CCDC88C: variants seen among roughly 807,000 people sequenced by gnomAD.
CCDC88C encodes the protein protein Daple.
A neutral mutation model predicts 198.8 loss-of-function variants in CCDC88C; 131 were observed. That is an observed-to-expected ratio of 0.66 (90% CI 0.57 to 0.76). The LOEUF (loss-of-function observed/expected upper bound fraction) is 0.76, where lower values mean the gene tolerates loss of function less well. Ranked by LOEUF, CCDC88C falls within the 30% of genes least tolerant of loss-of-function variation. The pLI is 0.00. For synonymous variants in CCDC88C, 1,166 were observed against 1,114.7 expected (o/e 1.05, Z -0.92); for missense variants, 2,553 against 2,631.6 (o/e 0.97, Z 0.65).
intron 10 of CCDC88C, among the ~76,000 whole-genome samples, chr14:91,328,140 A>C (rs1232821860): frequency 6.6e-6 from 1 of 152,232 alleles, no homozygotes; most frequent in Non-Finnish European, 1.5e-5. Flanking sequence ...GCGGCATGTG[A>C]GGTGGACCTT....
chr14:91,400,126 G>T (rs1481148037), intron 3 of CCDC88C, among the ~76,000 whole-genome samples: 1 of 151,938 alleles, frequency 6.6e-6, no homozygotes, highest in Non-Finnish European at 1.5e-5. Context: ...AGGTGTTATT[G>T]CAGCTGATTT....
At position 91,339,060 on chromosome 14, in the gene CCDC88C, C is replaced by T. The variant is rs1893186337; in HGVS notation, c.809+218G>A. The stretch of plus-strand genomic sequence containing the variant: ...TGCACCGTCTGGACGGGAGGAAACC[C>T]TGAAGACCGGGAAGAATCCCCGCCC... On this transcript the variant is annotated intron_variant, in intron 8 of 29. Coordinates refer to ENST00000389857, the MANE Select transcript of CCDC88C (RefSeq NM_001080414.4). The surrounding 1 kb of genome is among the most constrained non-coding windows in gnomAD (Gnocchi z 5.8). 1.5e-6 allele frequency: 1 copy of T among 647,206 alleles called. No individual in the cohort carries two copies. The highest frequency in any genetic ancestry group is 2.8e-6 in the Non-Finnish European group (1 of 357,230). 40.1% of individuals were successfully genotyped at this position (647,206 alleles called of 1,614,324 possible). A position where few individuals can be genotyped will look rare whatever the true frequency, so the allele number is the denominator to read the frequency against.
Position 91,303,925 on chromosome 14 carries a change from C to T in CCDC88C, c.3411G>A (p.Thr1137=). 4 of 1,611,594 alleles carry T rather than the reference C, an allele frequency of 2.5e-6. No individual in the cohort carries two copies. The highest frequency in any genetic ancestry group is 2.2e-5 in the East Asian group (1 of 44,882). ...SQSAALTAQY[T]LLQNHHTAKE... ...TGGCCGTGTGGTGGTTCTGCAGCAG[C>T]GTGTACTGCGCGGTGAGCGCTGCGC... The change falls in exon 20 of 30, where the codon ACG becomes ACA. Residue 1137 remains threonine, a synonymous_variant. Transcript: ENST00000389857.
intron 3 of CCDC88C, among the ~76,000 whole-genome samples, chr14:91,364,302 T>G (rs566864582): frequency 7.2e-5 from 11 of 152,302 alleles, no homozygotes; most frequent in African/African-American, 2.4e-4. Flanking sequence ...TCCTCCCCAC[T>G]TCTCCTTTAG....
chr14:91,273,050 G>C lies in CCDC88C; in HGVS notation c.5662C>G (p.Leu1888Val). 2 of 1,556,392 alleles carry C rather than the reference G, an allele frequency of 1.3e-6. No individual in the cohort carries two copies. Among genetic ancestry groups the C allele is most frequent in the African/African-American group, 2.7e-5 (2 of 73,826 alleles). Reference protein sequence around the residue: ...SRPLDTRRFSLAPPKEERLAP... With the variant: ...SRPLDTRRFSVAPPKEERLAP... ...AGCCTCTCCTCCTTTGGGGGAGCCA[G>C]GGAGAAGCGCCTCGTGTCCAGCGGC... Residue 1888 changes from leucine to valine, a missense_variant, in exon 30 of 30, where the codon CTG becomes GTG. By Grantham distance (32) the Leu-to-Val change is conservative (BLOSUM62 1). Coordinates refer to ENST00000389857, the MANE Select transcript of CCDC88C (RefSeq NM_001080414.4). This position sits in a 1 kb window ranked among gnomAD's most constrained non-coding sequence, Gnocchi z 5.6.
In CCDC88C at chr14:91,324,893, C is replaced by T. The variant is rs766629546; in HGVS notation, c.1228G>A (p.Glu410Lys). 1.2e-6 allele frequency: 2 copies of T among 1,613,494 alleles called. No individual in the cohort carries two copies. Among genetic ancestry groups the T allele is most frequent in the Admixed American group, 1.7e-5 (1 of 59,962 alleles). ...AGGACCATGTTTTCTTCCAGCAGCT[C>T]CTCAATTCGTTTCTTATCTGTGTCC... is the stretch of plus-strand genomic sequence containing the variant. Reference protein sequence around the residue: ...DRDTDKKRIEELLEENMVLEI... With the variant: ...DRDTDKKRIEKLLEENMVLEI... Residue 410 changes from glutamate to lysine, a missense_variant, in exon 12 of 30, where the codon GAG (glutamate) becomes AAG (lysine). By Grantham distance (56) the Glu-to-Lys change is moderately conservative. Transcript: ENST00000389857.
intron 16 of CCDC88C, among the ~76,000 whole-genome samples, chr14:91,309,273 C>T (rs1336953847): frequency 6.6e-6 from 1 of 152,046 alleles, no homozygotes; most frequent in Non-Finnish European, 1.5e-5. Context: ...GCAAGCATTG[C>T]AGGGAAAAAC....
At chr14:91,274,181 AGAG>A (rs1371506963) in intron 29 of CCDC88C, among the ~76,000 whole-genome samples, 3 of 149,706 alleles carry the variant, frequency 2.0e-5, no homozygotes, top group Non-Finnish European at 3.0e-5. Flanking sequence ...GGCCCGAGAA[AGAG>A]AAGAGAGAGG....
chr14:91,416,637 C>A, intron 2 of CCDC88C, 101 bp downstream of exon 2: 1 of 847,152 alleles, frequency 1.2e-6, no homozygotes. Flanking sequence ...GAACTACCCC[C>A]CACCCCACAC....
intron 15 of CCDC88C, among the ~76,000 whole-genome samples, chr14:91,312,258 G>A (rs537666283): frequency 6.6e-6 from 1 of 152,168 alleles, no homozygotes; most frequent in South Asian, 2.1e-4. Flanking sequence ...GCGTGATGGT[G>A]CGTGTCTGTA....
chr14:91,296,219 A>ACAGCC (rs1890995789), intron 22 of CCDC88C, among the ~76,000 whole-genome samples: 1 of 152,208 alleles, frequency 6.6e-6, no homozygotes, highest in African/African-American at 2.4e-5. Context: ...CATCCTGGCC[A>ACAGCC]CAGCCCTTCC....
intron 3 of CCDC88C, among the ~76,000 whole-genome samples, chr14:91,387,464 A>G (rs534414167): frequency 6.8e-4 from 104 of 152,304 alleles, no homozygotes; most frequent in African/African-American, 2.5e-3. Flanking sequence ...CGATATAGAC[A>G]AAACTGCTCC....
At chr14:91,337,012 G>C (rs1393093582) in intron 10 of CCDC88C, among the ~76,000 whole-genome samples, 1 of 152,224 alleles carries the variant, frequency 6.6e-6, no homozygotes, top group African/African-American at 2.4e-5. Context: ...CTCAATGTGT[G>C]CCAGTATTCT....
chr14:91,300,584 C>G (rs986137022), intron 20 of CCDC88C, among the ~76,000 whole-genome samples: 1 of 152,176 alleles, frequency 6.6e-6, no homozygotes, highest in African/African-American at 2.4e-5. Context: ...GTCTGGCCTT[C>G]CCCAGGGGAC....
intron 21 of CCDC88C, among the ~76,000 whole-genome samples, chr14:91,298,329 G>A (rs1277101710): frequency 1.3e-5 from 2 of 151,792 alleles, no homozygotes; most frequent in African/African-American, 4.8e-5. Flanking sequence ...AGCCGAGATC[G>A]CGCCACTGCA....
At chr14:91,360,472 A>G (rs1367118312) in intron 3 of CCDC88C, among the ~76,000 whole-genome samples, 3 of 152,294 alleles carry the variant, frequency 2.0e-5, no homozygotes, top group South Asian at 2.1e-4. Context: ...AGAAGAAGAA[A>G]TAAAGATTAA....
At chr14:91,332,406 T>C (rs572816568) in intron 10 of CCDC88C, among the ~76,000 whole-genome samples, 3 of 152,338 alleles carry the variant, frequency 2.0e-5, no homozygotes, top group East Asian at 1.9e-4. Context: ...TCACCTCTTA[T>C]GTAAGCTAGG....
chr14:91,293,606 C>CCTGCCCCCTCGCCTGCCACAGCTCACCTT, intron 23 of CCDC88C, among the ~76,000 whole-genome samples: 1 of 75,176 alleles, frequency 1.3e-5, no homozygotes, highest in Admixed American at 1.5e-4. Flanking sequence ...TGGCCCACCT[C>CCTGCCCCCTCGCCTGCCACAGCTCACCTT]CTGTGGGCCT....
chr14:91,340,067 G>A lies in CCDC88C; in HGVS notation c.484-43C>T, dbSNP rs769802215. On this transcript the variant is annotated intron_variant, in intron 6 of 29. Coordinates refer to ENST00000389857, the MANE Select transcript of CCDC88C (RefSeq NM_001080414.4). Reference sequence around the variant, plus strand: ...AGGGCACTGCAGGGGCGGCAGAGACGGGCGCCCACTTCCCTCACACTGCAA... The same window carrying A: ...AGGGCACTGCAGGGGCGGCAGAGACAGGCGCCCACTTCCCTCACACTGCAA... 1.1e-5 allele frequency: 18 copies of A among 1,597,762 alleles called. No homozygotes were observed. The Admixed American group carries it at 1.7e-4, about 15-fold the overall frequency.
Sources: gnomAD v4.1 joint callset for allele counts (sites outside exome capture counted in the v4.1 genomes callset) on GRCh38, gnomAD v4.1.1 for gene constraint, Gnocchi (gnomAD v3.1) non-coding constraint, MANE v1.5 for transcripts, NCBI Gene and HGNC (gene_info 2026-07-23, HGNC 2026-07-21) for gene names.